COL25A1: variants seen among roughly 807,000 people sequenced by gnomAD.
The protein encoded by COL25A1 is collagen type XXV alpha 1 chain.
A neutral mutation model predicts 128.4 loss-of-function variants in COL25A1; 103 were observed. The observed-to-expected ratio is 0.80, with a 90% CI of 0.68 to 0.94. The LOEUF is 0.94. COL25A1 is among the 40% of genes least tolerant of loss of function. The pLI is 0.00. For missense variants in COL25A1, 745 were observed against 840.0 expected, an observed-to-expected ratio of 0.89 and a Z score of 1.40; for synonymous variants, 279 against 277.2, an observed-to-expected ratio of 1.01 and a Z score of -0.06.
intron 3 of COL25A1, among the ~76,000 whole-genome samples, chr4:109,200,254 T>A (rs1399820867): frequency 6.6e-6 from 1 of 152,220 alleles, no homozygotes; most frequent in Non-Finnish European, 1.5e-5. Context: ...TCCTTCAGTC[T>A]TTCCATGCCT....
At chr4:109,272,976 T>C (rs372846166) in intron 3 of COL25A1, among the ~76,000 whole-genome samples, 1 of 151,992 alleles carries the variant, frequency 6.6e-6, no homozygotes, top group South Asian at 2.1e-4. Context: ...CAAAAAGCAA[T>C]GGTGAAGGAA....
chr4:109,220,950 T>C (rs1017658098), intron 3 of COL25A1, among the ~76,000 whole-genome samples: 3 of 152,030 alleles, frequency 2.0e-5, no homozygotes, highest in African/African-American at 4.8e-5. Context: ...ATGGGTGAAA[T>C]GTAGAACCGA....
intron 19 of COL25A1, among the ~76,000 whole-genome samples, chr4:108,878,839 T>G (rs1355813755): frequency 2.6e-5 from 4 of 152,218 alleles, no homozygotes; most frequent in African/African-American, 9.6e-5. Flanking sequence ...TATGTGAGTT[T>G]CCTAATTTGA....
rs1725625153 is a variant in COL25A1 at position 109,302,182 on chromosome 4, A to G, written c.-70T>C. ...GCGGATACGGACCCCTGCCTTGCTC[A>G]GCGTCCAGACCCGCAGGCGTGCACC... On this transcript the variant is annotated 5_prime_UTR_variant, in exon 1 of 38. An upstream open reading frame in the 5' UTR loses its in-frame stop. Coordinates refer to ENST00000399132, the MANE Select transcript of COL25A1 (RefSeq NM_198721.4). 3 of 898,044 alleles carry G rather than the reference A, an allele frequency of 3.3e-6. No homozygotes were observed. The highest frequency in any genetic ancestry group is 3.0e-5 in the Admixed American group (1 of 33,594). 55.6% of individuals were successfully genotyped at this position (898,044 alleles called of 1,614,324 possible). A position where few individuals can be genotyped will look rare whatever the true frequency, so the allele number is the denominator to read the frequency against.
chr4:108,892,330 C>T (rs1198380235), intron 16 of COL25A1, among the ~76,000 whole-genome samples: 1 of 152,120 alleles, frequency 6.6e-6, no homozygotes, highest in Non-Finnish European at 1.5e-5. Context: ...TTCATTCAAG[C>T]ACAGTTTCCA....
intron 3 of COL25A1, among the ~76,000 whole-genome samples, chr4:109,098,662 T>C (rs1765615531): frequency 6.6e-6 from 1 of 152,216 alleles, no homozygotes; most frequent in African/African-American, 2.4e-5. Flanking sequence ...TTATTCACAT[T>C]AGTATTCTTT....
At chr4:109,282,812 T>C (rs969405999) in intron 3 of COL25A1, among the ~76,000 whole-genome samples, 11 of 152,218 alleles carry the variant, frequency 7.2e-5, no homozygotes, top group Admixed American at 2.0e-4. Flanking sequence ...TGCTGTGTTC[T>C]AGATATGAAG....
Position 109,200,305 on chromosome 4 carries a change from T to C in COL25A1, c.367+100278A>G, listed in dbSNP as rs116038545. Reference sequence around the variant, plus strand: ...TTCACTGCCAGCATTTCTGAAAGCATAGTCTACAATCATTGCTCCACTTCC... The same window carrying C: ...TTCACTGCCAGCATTTCTGAAAGCACAGTCTACAATCATTGCTCCACTTCC... On this transcript the variant is annotated intron_variant, in intron 3 of 37. Coordinates refer to ENST00000399132, the MANE Select transcript of COL25A1 (RefSeq NM_198721.4). Among the ~76,000 whole-genome samples the C allele has an allele frequency of 7.1e-3, 1,085 of 152,354 alleles. 16 individuals carry two copies. The highest frequency in any genetic ancestry group is 0.024 in the African/African-American group (998 of 41,580).
chr4:108,827,398 A>G (rs1016382750), intron 32 of COL25A1, among the ~76,000 whole-genome samples: 26 of 152,234 alleles, frequency 1.7e-4, no homozygotes, highest in Admixed American at 1.3e-3. Flanking sequence ...GGGGCAGCAC[A>G]AGATTGCTGC....
chr4:109,039,879 TG>T (rs1314975085), intron 5 of COL25A1, among the ~76,000 whole-genome samples: 1 of 152,186 alleles, frequency 6.6e-6, no homozygotes, highest in Non-Finnish European at 1.5e-5. Context: ...TTTCTTTCCT[TG>T]ACCATACAGA....
chr4:109,191,964 A>G (rs1775658790), intron 3 of COL25A1, among the ~76,000 whole-genome samples: 1 of 152,222 alleles, frequency 6.6e-6, no homozygotes, highest in Non-Finnish European at 1.5e-5. Flanking sequence ...TAAGTGCAAC[A>G]GGAATAGTGG....
chr4:109,192,823 C>T (rs184350072), intron 3 of COL25A1, among the ~76,000 whole-genome samples: 74 of 151,406 alleles, frequency 4.9e-4, no homozygotes, highest in Non-Finnish European at 7.8e-4. Context: ...CACTGCACTC[C>T]AACCTGGGCA....
intron 8 of COL25A1, among the ~76,000 whole-genome samples, chr4:108,958,272 AT>A (rs1243415316): frequency 6.6e-6 from 1 of 152,088 alleles, no homozygotes; most frequent in Non-Finnish European, 1.5e-5. Context: ...CAACAGGGCA[AT>A]TTTGTTAGAA....
At chr4:108,816,725 G>T (rs1360287901) in intron 37 of COL25A1, among the ~76,000 whole-genome samples, 1 of 152,004 alleles carries the variant, frequency 6.6e-6, no homozygotes, top group Non-Finnish European at 1.5e-5. Context: ...CATCACTGAG[G>T]GTAATAAGAC....
intron 3 of COL25A1, among the ~76,000 whole-genome samples, chr4:109,092,144 C>A (rs2126009798): frequency 1.3e-5 from 2 of 152,202 alleles, no homozygotes; most frequent in South Asian, 4.1e-4. Flanking sequence ...GACCGTAAGA[C>A]AAGGGCCACT....
intron 5 of COL25A1, among the ~76,000 whole-genome samples, chr4:109,039,572 A>C (rs1394464496): frequency 6.6e-6 from 1 of 152,098 alleles, no homozygotes; most frequent in Non-Finnish European, 1.5e-5. Context: ...TATATTCTCT[A>C]CTGTCCTCCC....
chr4:109,020,398 A>G (rs1757613351), intron 5 of COL25A1, among the ~76,000 whole-genome samples: 1 of 151,922 alleles, frequency 6.6e-6, no homozygotes, highest in African/African-American at 2.4e-5. Flanking sequence ...AGCAAAAGCC[A>G]TATTCTACTC....
At chr4:109,177,851 A>G (rs572711011) in intron 3 of COL25A1, among the ~76,000 whole-genome samples, 5 of 152,344 alleles carry the variant, frequency 3.3e-5, no homozygotes, top group African/African-American at 9.6e-5. Context: ...AGCAAACATC[A>G]GTTGACTGCA....
At chr4:109,243,712 T>C (rs1336871464) in intron 3 of COL25A1, among the ~76,000 whole-genome samples, 1 of 152,038 alleles carries the variant, frequency 6.6e-6, no homozygotes, top group Non-Finnish European at 1.5e-5. Context: ...GTAGATTAGA[T>C]CTAAGAAAGA....
Sources: gnomAD v4.1 joint callset for allele counts (sites outside exome capture counted in the v4.1 genomes callset) on GRCh38, gnomAD v4.1.1 for gene constraint, MANE v1.5 for transcripts, NCBI Gene and HGNC (gene_info 2026-07-23, HGNC 2026-07-21) for gene names.